ZNF431: variants seen among roughly 807,000 people sequenced by gnomAD.
ZNF431 encodes the protein zinc finger protein 431.
In ZNF431, 34 loss-of-function variants were observed where a neutral mutation model predicts 57.0. The observed-to-expected ratio is 0.60, with a 90% confidence interval of 0.45 to 0.79. The LOEUF (loss-of-function observed/expected upper bound fraction) is 0.79. Among genes scored for constraint, ZNF431 ranks in the 30% least tolerant of loss-of-function variants. ZNF431 has a pLI of 0.00. For synonymous variants in ZNF431, 207 were observed against 220.3 expected (o/e 0.94, Z 0.54); for missense variants, 607 against 667.1 (o/e 0.91, Z 0.99).
At chr19:21,171,065 A>AT (rs1186799193) in intron 4 of ZNF431, among the ~76,000 whole-genome samples, 5 of 152,232 alleles carry the variant, frequency 3.3e-5, no homozygotes, top group Non-Finnish European at 5.9e-5. Flanking sequence ...ATGTAATGCT[A>AT]TTCTTTGCTT....
At chr19:21,169,208 T>C (rs907058911) in intron 4 of ZNF431, among the ~76,000 whole-genome samples, 1 of 152,166 alleles carries the variant, frequency 6.6e-6, no homozygotes, top group Admixed American at 6.6e-5. Context: ...CCACTGCGCC[T>C]GGCTGTTTAG....
rs576673456 is a variant in ZNF431 at position 21,187,207 on chromosome 19, G to T, written c.*3173G>T. The stretch of plus-strand genomic sequence containing the variant: ...TTGAATTTAAAGAGAAATTCTGGCA[G>T]AGGCAGATGAATCACCTGAGGTCAG... On this transcript the variant is annotated 3_prime_UTR_variant, in exon 5 of 5. Coordinates refer to ENST00000311048, the MANE Select transcript of ZNF431 (RefSeq NM_133473.4). 4.6e-5 allele frequency: 7 copies of T among 152,146 alleles called. No homozygotes were observed. Among genetic ancestry groups the T allele is most frequent in the African/African-American group, 1.7e-4 (7 of 41,510 alleles). 9.4% of individuals were successfully genotyped at this position (152,146 alleles called of 1,614,324 possible). A position where few individuals can be genotyped will look rare whatever the true frequency, so the allele number is the denominator to read the frequency against.
intron 2 of ZNF431, among the ~76,000 whole-genome samples, chr19:21,159,888 T>C (rs1311504205): frequency 6.6e-6 from 1 of 152,144 alleles, no homozygotes; most frequent in African/African-American, 2.4e-5. Context: ...GCTGTTGTTA[T>C]TGTTCAGTCT....
chr19:21,178,646 G>A (rs1036130764), intron 4 of ZNF431, among the ~76,000 whole-genome samples: 1 of 152,082 alleles, frequency 6.6e-6, no homozygotes, highest in African/African-American at 2.4e-5. Context: ...CGGGAATAAA[G>A]CTGACTTGAA....
In ZNF431 at chr19:21,189,476, CA is replaced by C. The variant is rs762632162; in HGVS notation, c.*5456del. 129 of 129,316 alleles carry C rather than the reference CA, an allele frequency of 1.0e-3. No individual in the cohort carries two copies. The highest frequency in any genetic ancestry group is 1.3e-3 in the Admixed American group (17 of 12,662). The allele number at this position is 129,316 out of a possible 1,614,324, so 8.0% of individuals were successfully genotyped here. A position where few individuals can be genotyped will look rare whatever the true frequency, so the allele number is the denominator to read the frequency against. ...CCAGACTGGGGGACAGAGTGACTAT[CA>C]AAAAAAAAAAAAACTTTACCTCATA... On this transcript the variant is annotated 3_prime_UTR_variant, in exon 5 of 5. Coordinates refer to ENST00000311048, the MANE Select transcript of ZNF431 (RefSeq NM_133473.4).
Position 21,185,502 on chromosome 19 carries a change from C to T in ZNF431, c.*1468C>T, listed in dbSNP as rs776362174. 3.3e-5 allele frequency: 5 copies of T among 152,176 alleles called. No individual in the cohort carries two copies. Among genetic ancestry groups the T allele is most frequent in the African/African-American group, 4.8e-5 (2 of 41,410 alleles). The allele number at this position is 152,176 out of a possible 1,614,324, so 9.4% of individuals were successfully genotyped here. On this transcript the variant is annotated 3_prime_UTR_variant, in exon 5 of 5. Coordinates refer to ENST00000311048, the MANE Select transcript of ZNF431 (RefSeq NM_133473.4). Reference sequence around the variant, plus strand: ...TTGAGACTGAGTTTCACTCTTTCGCCCAGGCTGGAGTGCATTGGCATGATC... The same window carrying T: ...TTGAGACTGAGTTTCACTCTTTCGCTCAGGCTGGAGTGCATTGGCATGATC...
intron 4 of ZNF431, among the ~76,000 whole-genome samples, chr19:21,180,313 A>G (rs1971173959): frequency 1.3e-5 from 2 of 152,154 alleles, no homozygotes; most frequent in Admixed American, 6.5e-5. Flanking sequence ...AATGGCTGGT[A>G]ATGGTTTTTT....
rs187987244 is a variant in ZNF431 at position 21,184,455 on chromosome 19, A to G, written c.*421A>G. On this transcript the variant is annotated 3_prime_UTR_variant, in exon 5 of 5. Coordinates refer to ENST00000311048, the MANE Select transcript of ZNF431 (RefSeq NM_133473.4). Reference sequence around the variant, plus strand: ...ACATAAGATAATTTATACTGGAGAGAAACTCTACAAATCAGAAAGATGTGA... The same window carrying G: ...ACATAAGATAATTTATACTGGAGAGGAACTCTACAAATCAGAAAGATGTGA... The G allele has an allele frequency of 2.1e-3, 333 of 156,518 alleles. 3 individuals are homozygous for G. The highest frequency in any genetic ancestry group is 7.4e-3 in the African/African-American group (310 of 41,616). The allele number at this position is 156,518 out of a possible 1,614,324, so 9.7% of individuals were successfully genotyped here. A position where few individuals can be genotyped will look rare whatever the true frequency, so the allele number is the denominator to read the frequency against.
intron 4 of ZNF431, among the ~76,000 whole-genome samples, 200 bp downstream of exon 4, chr19:21,167,866 C>T (rs559958797): frequency 5.3e-5 from 8 of 152,248 alleles, no homozygotes; most frequent in Non-Finnish European, 5.9e-5. Context: ...TCTAAGAATT[C>T]TACTTTTCCT....
intron 2 of ZNF431, among the ~76,000 whole-genome samples, chr19:21,165,271 G>T (rs1970691512): frequency 6.6e-6 from 1 of 152,058 alleles, no homozygotes; most frequent in East Asian, 1.9e-4. Flanking sequence ...GGAAAAGCTG[G>T]GGTCCTTAGT....
intron 3 of ZNF431, 48 bp from the exon 4 acceptor site, chr19:21,167,523 A>T (rs1348000474): frequency 1.4e-6 from 2 of 1,381,114 alleles, no homozygotes; most frequent in Non-Finnish European, 1.9e-6. Context: ...TAGGTTAGTA[A>T]TTAGAGAATA....
chr19:21,164,064 C>G (rs182014631), intron 2 of ZNF431, among the ~76,000 whole-genome samples: 1 of 126,204 alleles, frequency 7.9e-6, no homozygotes. Flanking sequence ...CTGGTAAGAG[C>G]GTGAAACTCC....
Position 21,174,532 on chromosome 19 carries a change from C to T in ZNF431, c.319+6866C>T, listed in dbSNP as rs187059206. On this transcript the variant is annotated intron_variant, in intron 4 of 4. Coordinates refer to ENST00000311048, the MANE Select transcript of ZNF431 (RefSeq NM_133473.4). ...ATGCTGTTACATACAAGCATATGTC[C>T]TATGCTGTTATATACAAGCATATTA... Among the ~76,000 whole-genome samples, 11 of 152,170 alleles carry T rather than the reference C, an allele frequency of 7.2e-5. No homozygotes were observed. In the East Asian group the frequency reaches 2.1e-3, roughly 29 times the overall value.
intron 4 of ZNF431, among the ~76,000 whole-genome samples, chr19:21,175,010 G>A (rs1045044233): frequency 2.0e-5 from 3 of 152,052 alleles, no homozygotes; most frequent in Admixed American, 6.6e-5. Flanking sequence ...GCCCGCCTTG[G>A]CCTCCCAAAG....
At chr19:21,163,145 G>A (rs1330593092) in intron 2 of ZNF431, among the ~76,000 whole-genome samples, 4 of 152,214 alleles carry the variant, frequency 2.6e-5, no homozygotes, top group African/African-American at 9.7e-5. Context: ...ATAGTGCTCT[G>A]TAACATACTC....
Position 21,142,125 on chromosome 19 carries a change from G to T in ZNF431, c.-59G>T. The T allele has an allele frequency of 6.2e-7, 1 of 1,609,378 alleles. No homozygotes were observed. Among genetic ancestry groups the T allele is most frequent in the Non-Finnish European group, 8.5e-7 (1 of 1,176,760 alleles). On this transcript the variant is annotated 5_prime_UTR_variant, in exon 1 of 5. Transcript: ENST00000311048. ...AGAGGCCCAACATCTGTGGCCCTGT[G>T]ACCTGCAGGTATTGGGAGACCCACA...
At chr19:21,156,400 G>T (rs1331383414) in intron 2 of ZNF431, among the ~76,000 whole-genome samples, 1 of 152,144 alleles carries the variant, frequency 6.6e-6, no homozygotes, top group Non-Finnish European at 1.5e-5. Context: ...TGGTTAAGGG[G>T]TCCATGTGCA....
rs80321393 is a variant in ZNF431 at position 21,160,597 on chromosome 19, G to A, written c.97-5738G>A. ...CTGGCTTATCAGTGGGCCCTCAGCCGTGGATCACTAAGAACCGTCTCACAA... is the reference window on the plus strand; with the variant it reads ...CTGGCTTATCAGTGGGCCCTCAGCCATGGATCACTAAGAACCGTCTCACAA... On this transcript the variant is annotated intron_variant, in intron 2 of 4. Transcript: ENST00000311048. Among the ~76,000 whole-genome samples the A allele has an allele frequency of 5.7e-3, 871 of 152,240 alleles. 12 individuals carry two copies. Among genetic ancestry groups the A allele is most frequent in the African/African-American group, 0.02 (827 of 41,532 alleles).
At chr19:21,180,129 C>CCCTTAA (rs1971171499) in intron 4 of ZNF431, among the ~76,000 whole-genome samples, 1 of 152,110 alleles carries the variant, frequency 6.6e-6, no homozygotes, top group Non-Finnish European at 1.5e-5. Context: ...GACTCTTTAT[C>CCCTTAA]CAGCTTGCCC....
Sources: allele counts gnomAD v4.1 joint callset (sites outside exome capture counted in the v4.1 genomes callset), GRCh38; gene constraint gnomAD v4.1.1; transcripts MANE v1.5; gene names NCBI Gene and HGNC (gene_info 2026-07-23, HGNC 2026-07-21).